SMYD3: variants seen among roughly 807,000 people sequenced by gnomAD.
SMYD3 encodes SET and MYND domain containing 3.
SMYD3 carries 36 observed loss-of-function variants against 57.7 expected under a neutral mutation model. The ratio of observed to expected loss-of-function variants is 0.62; its 90% CI spans 0.48 to 0.82. SMYD3 has a LOEUF of 0.82. SMYD3 is among the 40% of genes least tolerant of loss of function. The pLI, the probability that SMYD3 is intolerant of heterozygous loss-of-function variation, is 0.00. For synonymous variants in SMYD3, 211 were observed against 195.0 expected, an observed-to-expected ratio of 1.08 and a Z score of -0.68; for missense variants, 515 against 538.8, an observed-to-expected ratio of 0.96 and a Z score of 0.44.
chr1:246,248,775 G>C (rs1312739845), intron 5 of SMYD3, among the ~76,000 whole-genome samples: 5 of 148,348 alleles, frequency 3.4e-5, no homozygotes, highest in African/African-American at 1.2e-4. Context: ...CCGAGTAGCT[G>C]GGACCACAGG....
chr1:246,121,910 A>C (rs552275806), intron 5 of SMYD3, among the ~76,000 whole-genome samples: 9 of 152,328 alleles, frequency 5.9e-5, no homozygotes, highest in African/African-American at 2.2e-4. Context: ...AGATAATTAA[A>C]CTTTCCATGT....
intron 5 of SMYD3, among the ~76,000 whole-genome samples, chr1:246,102,555 T>C (rs899668029): frequency 2.0e-5 from 3 of 152,084 alleles, no homozygotes; most frequent in Admixed American, 6.6e-5. Flanking sequence ...CTCTAAACCC[T>C]ACAGTCCCTT....
At chr1:246,434,553 C>T (rs757142760) in intron 1 of SMYD3, among the ~76,000 whole-genome samples, 3 of 152,194 alleles carry the variant, frequency 2.0e-5, no homozygotes, top group African/African-American at 7.2e-5. Flanking sequence ...AAATGTTCCA[C>T]ATCACTAATC....
intron 5 of SMYD3, among the ~76,000 whole-genome samples, chr1:246,257,706 T>A (rs1180305480): frequency 1.3e-5 from 2 of 152,234 alleles, no homozygotes; most frequent in African/African-American, 2.4e-5. Context: ...GCGGTTGCTT[T>A]ATAGGGTCTG....
At chr1:246,076,831 C>T (rs935558120) in intron 5 of SMYD3, among the ~76,000 whole-genome samples, 5 of 152,010 alleles carry the variant, frequency 3.3e-5, no homozygotes, top group African/African-American at 1.2e-4. Flanking sequence ...CTATCATTTG[C>T]CAGGCATAGA....
chr1:246,164,284 G>A (rs1028331158), intron 5 of SMYD3, among the ~76,000 whole-genome samples: 3 of 152,156 alleles, frequency 2.0e-5, no homozygotes, highest in Non-Finnish European at 2.9e-5. Flanking sequence ...TTAGCTGGGC[G>A]TGGTGGCGGG....
At chr1:245,875,677 G>T (rs1456163879) in intron 8 of SMYD3, among the ~76,000 whole-genome samples, 2 of 152,164 alleles carry the variant, frequency 1.3e-5, no homozygotes, top group African/African-American at 4.8e-5. Context: ...ATGCTACGAT[G>T]CCAGTCACAG....
intron 1 of SMYD3, among the ~76,000 whole-genome samples, chr1:246,461,116 A>G (rs2067790902): frequency 6.6e-6 from 1 of 152,266 alleles, no homozygotes; most frequent in Non-Finnish European, 1.5e-5. Context: ...AAGAGAATGT[A>G]GCAATACATC....
At chr1:246,136,797 C>A (rs1053132302) in intron 5 of SMYD3, among the ~76,000 whole-genome samples, 1 of 152,184 alleles carries the variant, frequency 6.6e-6, no homozygotes, top group African/African-American at 2.4e-5. Context: ...AACTAAGATG[C>A]AGACAGTCCT....
At chr1:246,218,538 C>T (rs956365177) in intron 5 of SMYD3, among the ~76,000 whole-genome samples, 4 of 151,860 alleles carry the variant, frequency 2.6e-5, no homozygotes, top group East Asian at 3.9e-4. Context: ...GGAGAATGGC[C>T]TGAACCCAGG....
At chr1:246,369,771 T>TC (rs1467083429) in intron 1 of SMYD3, among the ~76,000 whole-genome samples, 1 of 152,066 alleles carries the variant, frequency 6.6e-6, no homozygotes, top group East Asian at 1.9e-4. Flanking sequence ...CAAGCAATCC[T>TC]CCCACCTCAG....
intron 11 of SMYD3, among the ~76,000 whole-genome samples, chr1:245,751,578 A>C (rs9700418): frequency 2.3e-4 from 26 of 113,628 alleles, no homozygotes; most frequent in Admixed American, 7.0e-4. Flanking sequence ...GAGAAAGAGA[A>C]AGAGAGAGAG....
At chr1:245,877,130 G>T (rs2052531616) in intron 8 of SMYD3, among the ~76,000 whole-genome samples, 2 of 152,206 alleles carry the variant, frequency 1.3e-5, no homozygotes, top group African/African-American at 2.4e-5. Flanking sequence ...CTCATGCATG[G>T]CAGGGCGGCG....
chr1:245,867,692 A>T (rs1174618253), intron 8 of SMYD3, among the ~76,000 whole-genome samples: 3 of 148,838 alleles, frequency 2.0e-5, no homozygotes, highest in African/African-American at 4.9e-5. Flanking sequence ...ACACACACTC[A>T]CACACACATT....
intron 5 of SMYD3, among the ~76,000 whole-genome samples, chr1:245,947,166 T>C (rs1318336701): frequency 2.6e-5 from 4 of 152,232 alleles, no homozygotes; most frequent in South Asian, 2.1e-4. Context: ...CACTCTCCCA[T>C]TGTCTAACTA....
chr1:245,858,636 G>C lies in SMYD3; in HGVS notation c.936C>G (p.Ile312Met). The change falls in exon 10 of 12, where the codon ATC becomes ATG. Residue 312 changes from isoleucine (I) to methionine (M), a missense_variant. Physicochemically the swap from Ile to Met is conservative, Grantham distance 10 (BLOSUM62 1). Coordinates refer to ENST00000490107, the MANE Select transcript of SMYD3 (RefSeq NM_001167740.2). ...GAAGCCGTTCAGAATTGCTGCTTATGATTGCCTGGCACATGGCCAGAACCT... is the reference window on the plus strand; with the variant it reads ...GAAGCCGTTCAGAATTGCTGCTTATCATTGCCTGGCACATGGCCAGAACCT... ...WEQVLAMCQA[I>M]ISSNSERLPD... is the part of the protein sequence containing the mutation. 1 of 1,614,220 alleles carries C rather than the reference G, an allele frequency of 6.2e-7. No homozygotes were observed. Among genetic ancestry groups the C allele is most frequent in the East Asian group, 2.2e-5 (1 of 44,890 alleles).
chr1:246,504,086 G>C (rs2068499665), intron 1 of SMYD3, among the ~76,000 whole-genome samples: 1 of 151,856 alleles, frequency 6.6e-6, no homozygotes, highest in Admixed American at 6.6e-5. Flanking sequence ...TCCTTAATGA[G>C]AGGAAAAAGG....
chr1:246,027,178 T>A (rs1009311212), intron 5 of SMYD3, among the ~76,000 whole-genome samples: 1 of 152,188 alleles, frequency 6.6e-6, no homozygotes, highest in African/African-American at 2.4e-5. Flanking sequence ...CGGTGGAAAG[T>A]AGCAGAGGTT....
At position 245,968,428 on chromosome 1, in the gene SMYD3, A is replaced by G. The variant is rs565187466; in HGVS notation, c.532-38491T>C. 1.2e-4 allele frequency among the ~76,000 whole-genome samples: 18 copies of G among 152,164 alleles called. 1 individual carries two copies. The South Asian group carries it at 3.7e-3, about 32-fold the overall frequency. ...ACTACTGGAATGACAACTCTCCTTC[A>G]AGGCCCAAGTGCCTCCTATATTAAA... On this transcript the variant is annotated intron_variant, in intron 5 of 11. Transcript: ENST00000490107.
Sources: gnomAD v4.1 joint callset for allele counts (sites outside exome capture counted in the v4.1 genomes callset) on GRCh38, gnomAD v4.1.1 for gene constraint, MANE v1.5 for transcripts, NCBI Gene and HGNC (gene_info 2026-07-23, HGNC 2026-07-21) for gene names.